KLHL6: variants seen among roughly 807,000 people sequenced by gnomAD.
KLHL6 encodes the protein kelch like family member 6.
Under a neutral mutation model 58.6 loss-of-function variants are expected in KLHL6, and 41 were observed. The observed-to-expected ratio is 0.70, with a 90% CI of 0.55 to 0.91. The LOEUF (loss-of-function observed/expected upper bound fraction) is 0.91. KLHL6 is among the 40% of genes least tolerant of loss of function. The pLI is 0.00. For synonymous variants in KLHL6, 338 were observed against 322.7 expected, an observed-to-expected ratio of 1.05 and a Z score of -0.51; for missense variants, 714 against 805.6, an observed-to-expected ratio of 0.89 and a Z score of 1.38.
chr3:183,519,865 C>T (rs142868763), intron 2 of KLHL6, among the ~76,000 whole-genome samples: 11 of 138,584 alleles, frequency 7.9e-5, no homozygotes, highest in Admixed American at 6.2e-4. Flanking sequence ...CACTGCACTC[C>T]AGCCTAGGTG....
chr3:183,542,030 G>A (rs549460624), intron 1 of KLHL6, among the ~76,000 whole-genome samples: 138 of 152,102 alleles, frequency 9.1e-4, no homozygotes, highest in African/African-American at 3.3e-3. Context: ...GCTGGGCAGC[G>A]CTGCCTCTCC....
chr3:183,507,328 C>T (rs879513150), intron 3 of KLHL6, among the ~76,000 whole-genome samples: 3 of 152,130 alleles, frequency 2.0e-5, no homozygotes, highest in Non-Finnish European at 4.4e-5. Context: ...AGAGTATATA[C>T]AAGAGACACA....
chr3:183,519,738 T>TAAA, intron 2 of KLHL6, among the ~76,000 whole-genome samples: 1 of 150,446 alleles, frequency 6.6e-6, no homozygotes, highest in African/African-American at 2.4e-5. Flanking sequence ...ATAATAATAA[T>TAAA]AATAATAAAA....
rs776808692 is a variant in KLHL6, at chr3:183,491,978, C to T, written c.1815G>A (p.Arg605=). The T allele has an allele frequency of 3.2e-6, 5 of 1,572,270 alleles. No homozygotes were observed. Among genetic ancestry groups the T allele is most frequent in the African/African-American group, 2.7e-5 (2 of 73,480 alleles). The change falls in exon 7 of 7, where the codon AGG becomes AGA. Residue 605 remains arginine, a synonymous_variant. Coordinates refer to ENST00000341319, the MANE Select transcript of KLHL6 (RefSeq NM_130446.4). ...TCCTGCGGATGTGGGTGTACGACTT[C>T]CTGATGGTGACGCTGCCGTGGTGCG... ...GVSHHGSVTI[R]KSYTHIRRIV...
chr3:183,555,262 T>C, intron 1 of KLHL6, 99 bp downstream of exon 1: 1 of 965,510 alleles, frequency 1.0e-6, no homozygotes, highest in East Asian at 2.4e-5. Flanking sequence ...ATGTAAACCA[T>C]AAATATCATG....
intron 1 of KLHL6, among the ~76,000 whole-genome samples, chr3:183,533,372 C>T (rs1392671399): frequency 1.3e-5 from 2 of 151,288 alleles, no homozygotes; most frequent in African/African-American, 4.9e-5. Flanking sequence ...TTCCTGGCCT[C>T]AAGTGACCCT....
intron 1 of KLHL6, chr3:183,552,188 C>A (rs895439404): frequency 2.6e-5 from 4 of 152,126 alleles, no homozygotes; most frequent in African/African-American, 7.2e-5. Context: ...AGCAAACCCC[C>A]TTCAAGAAAT....
intron 1 of KLHL6, among the ~76,000 whole-genome samples, chr3:183,531,546 T>A (rs1187663989): frequency 6.8e-6 from 1 of 146,876 alleles, no homozygotes; most frequent in Non-Finnish European, 1.5e-5. Flanking sequence ...ACCTCCCGGG[T>A]TCACGCCATT....
rs551649241 is a variant in KLHL6 at position 183,541,638 on chromosome 3, A to C, written c.294-13628T>G. Among the ~76,000 whole-genome samples the C allele has an allele frequency of 5.9e-5, 9 of 152,298 alleles. No homozygotes were observed. In the South Asian group the frequency reaches 1.7e-3, roughly 28 times the overall value. On this transcript the variant is annotated intron_variant, in intron 1 of 6. Coordinates refer to ENST00000341319, the MANE Select transcript of KLHL6 (RefSeq NM_130446.4). ...GAGGCTCACTTGGGGCCACGAGTTC[A>C]AGTCCAGCCTGGGCAACATAGCAAG...
chr3:183,533,173 G>T (rs912960338), intron 1 of KLHL6, among the ~76,000 whole-genome samples: 1 of 152,056 alleles, frequency 6.6e-6, no homozygotes. Context: ...ATCTCAACAC[G>T]GAGGGGATTA....
chr3:183,536,885 C>G (rs576591646), intron 1 of KLHL6, among the ~76,000 whole-genome samples: 1 of 152,140 alleles, frequency 6.6e-6, no homozygotes, highest in Admixed American at 6.5e-5. Context: ...ATAGGGCCAG[C>G]GCTGTGCACG....
chr3:183,544,310 A>G (rs1288046233), intron 1 of KLHL6, among the ~76,000 whole-genome samples: 6 of 152,266 alleles, frequency 3.9e-5, no homozygotes, highest in Middle Eastern at 3.4e-3. Flanking sequence ...CCTAAGTGAT[A>G]CTTTTTCACA....
At chr3:183,517,404 G>A (rs1030279530) in intron 2 of KLHL6, among the ~76,000 whole-genome samples, 4 of 152,118 alleles carry the variant, frequency 2.6e-5, no homozygotes, top group Non-Finnish European at 4.4e-5. Flanking sequence ...CTCCGTTCCC[G>A]TGGCAGTATG....
chr3:183,527,968 C>T lies in KLHL6; in HGVS notation c.336G>A (p.Arg112=), dbSNP rs751397580. The change falls in exon 2 of 7, where the codon AGG becomes AGA. Residue 112 remains arginine (R), a synonymous_variant. Transcript: ENST00000341319. ...CAGCATCAACCCCTTTAATAATGATCCTTTTCTCATACTTTTCCTTTAAAT... is the reference window on the plus strand; with the variant it reads ...CAGCATCAACCCCTTTAATAATGATTCTTTTCTCATACTTTTCCTTTAAAT... The part of the protein sequence containing the change: ...CNDLKEKYEK[R]IIIKGVDAET... 7.4e-6 allele frequency: 12 copies of T among 1,613,884 alleles called. No individual in the cohort carries two copies. The East Asian group carries it at 1.8e-4, about 24-fold the overall frequency.
chr3:183,511,338 G>T (rs1177400292), intron 2 of KLHL6, among the ~76,000 whole-genome samples: 1 of 152,212 alleles, frequency 6.6e-6, no homozygotes, highest in Non-Finnish European at 1.5e-5. Context: ...CTCGCCTCCC[G>T]CCACAGGGCG....
Position 183,555,577 on chromosome 3 carries a change from G to C in KLHL6, c.77C>G (p.Pro26Arg), listed in dbSNP as rs879333135. 3.9e-5 allele frequency: 63 copies of C among 1,613,982 alleles called. No individual in the cohort carries two copies. The highest frequency in any genetic ancestry group is 5.2e-5 in the Non-Finnish European group (61 of 1,180,028). The part of the protein sequence containing the change: ...VEKSLEGPLA[P>R]STDEPSQKTG... ...TTTCTGGGAGGGCTCATCTGTAGAA[G>C]GTGCCAGGGGCCCTTCCAAACTCTT... Residue 26 changes from proline (P) to arginine (R), a missense_variant, in exon 1 of 7, where the codon CCT (proline) becomes CGT (arginine). By Grantham distance (103) the Pro-to-Arg change is moderately radical. This residue lies in a region of KLHL6 where 204 missense variants were observed against 175.9 expected (regional missense o/e 1.16). Coordinates refer to ENST00000341319, the MANE Select transcript of KLHL6 (RefSeq NM_130446.4).
At chr3:183,553,442 C>T (rs997544178) in intron 1 of KLHL6, among the ~76,000 whole-genome samples, 2 of 152,230 alleles carry the variant, frequency 1.3e-5, no homozygotes, top group South Asian at 4.1e-4. Context: ...GCTAACAAAA[C>T]TGCTTCCAGG....
Position 183,492,077 on chromosome 3 carries a change from A to G in KLHL6, c.1716T>C (p.Val572=). The change falls in exon 7 of 7, where the codon GTT becomes GTC. Residue 572 remains valine (V), a synonymous_variant. Coordinates refer to ENST00000341319, the MANE Select transcript of KLHL6 (RefSeq NM_130446.4). This position sits in a 1 kb window ranked among gnomAD's most constrained non-coding sequence, Gnocchi z 5.9. The stretch of plus-strand genomic sequence containing the variant: ...GGTCCCAGCACAGCACCGTGGCGAT[A>G]ACCTCGTTCTTCTCGTCCCGCCCGC... ...ITGGRDEKNE[V]IATVLCWDPE... The G allele has an allele frequency of 6.2e-7, 1 of 1,613,950 alleles. No homozygotes were observed. Among genetic ancestry groups the G allele is most frequent in the Non-Finnish European group, 8.5e-7 (1 of 1,179,998 alleles).
chr3:183,527,819 A>G (rs1364221377), intron 2 of KLHL6, 26 bp downstream of exon 2: 4 of 1,611,696 alleles, frequency 2.5e-6, no homozygotes, highest in Admixed American at 1.7e-5. Context: ...TTCAGAGAAG[A>G]GCACTGAGCC....
Sources: gnomAD v4.1 joint callset for allele counts (sites outside exome capture counted in the v4.1 genomes callset) on GRCh38, gnomAD v4.1.1 for gene constraint, gnomAD v4.1.1 regional missense constraint, Gnocchi (gnomAD v3.1) non-coding constraint, MANE v1.5 for transcripts, NCBI Gene and HGNC (gene_info 2026-07-23, HGNC 2026-07-21) for gene names.